SGCD: variants seen among roughly 807,000 people sequenced by gnomAD.
SGCD encodes the protein sarcoglycan delta, also known as delta-sarcoglycan.
In SGCD, 18 loss-of-function variants were observed where a neutral mutation model predicts 36.6. That is an observed-to-expected ratio of 0.49 (90% CI 0.34 to 0.73). SGCD has a LOEUF of 0.73. SGCD is among the 30% of genes least tolerant of loss of function. The pLI, the probability that SGCD is intolerant of heterozygous loss-of-function variation, is 0.01. For missense variants in SGCD, 387 were observed against 346.7 expected, an observed-to-expected ratio of 1.12 and a Z score of -0.92; for synonymous variants, 133 against 130.6, an observed-to-expected ratio of 1.02 and a Z score of -0.12.
intron 3 of SGCD, among the ~76,000 whole-genome samples, chr5:156,419,020 G>C (rs1580961813): frequency 6.6e-6 from 1 of 152,084 alleles, no homozygotes. Flanking sequence ...CAAGTAAGCT[G>C]TCTTAACCTA....
At chr5:155,963,952 C>A (rs1757846738) in intron 1 of SGCD, among the ~76,000 whole-genome samples, 1 of 152,064 alleles carries the variant, frequency 6.6e-6, no homozygotes, top group Non-Finnish European at 1.5e-5. Flanking sequence ...ATATTTCATA[C>A]CTCAACAACA....
At chr5:156,081,302 C>G (rs754157107) in intron 1 of SGCD, among the ~76,000 whole-genome samples, 1 of 152,144 alleles carries the variant, frequency 6.6e-6, no homozygotes, top group Non-Finnish European at 1.5e-5. Context: ...GGGATCTGCC[C>G]TCATGATGCA....
At chr5:156,556,666 A>G (rs1483997071) in intron 4 of SGCD, among the ~76,000 whole-genome samples, 2 of 152,210 alleles carry the variant, frequency 1.3e-5, no homozygotes, top group Non-Finnish European at 2.9e-5. Flanking sequence ...CCATTTCTGT[A>G]GACTTTTACC....
At chr5:156,361,460 G>A (rs1179447623) in intron 3 of SGCD, among the ~76,000 whole-genome samples, 1 of 152,192 alleles carries the variant, frequency 6.6e-6, no homozygotes, top group Non-Finnish European at 1.5e-5. Flanking sequence ...AGTGAGATTA[G>A]CAATACTTGT....
At chr5:155,804,845 T>C in the SGCD span, among the ~76,000 whole-genome samples, 13 of 152,218 alleles carry the variant, frequency 8.5e-5, no homozygotes, top group Middle Eastern at 3.2e-3. Context: ...TACACAAATA[T>C]TGATAAAACA....
At chr5:155,833,157 G>C in the SGCD span, among the ~76,000 whole-genome samples, 57 of 152,084 alleles carry the variant, frequency 3.7e-4, no homozygotes, top group Non-Finnish European at 7.5e-4. Flanking sequence ...TTGAACCTGG[G>C]AGATGGAGAT....
chr5:155,748,158 T>G, the SGCD span, among the ~76,000 whole-genome samples: 3 of 151,834 alleles, frequency 2.0e-5, no homozygotes, highest in Non-Finnish European at 2.9e-5. Context: ...ACAAAGACCT[T>G]CCCTTGTACT....
chr5:156,163,315 A>G (rs564322375), intron 3 of SGCD, among the ~76,000 whole-genome samples: 1 of 151,668 alleles, frequency 6.6e-6, no homozygotes, highest in Admixed American at 6.5e-5. Flanking sequence ...AGTGAGAGTC[A>G]AGTTTTGAGG....
At chr5:156,349,142 T>TA (rs1769103554) in intron 3 of SGCD, among the ~76,000 whole-genome samples, 1 of 151,968 alleles carries the variant, frequency 6.6e-6, no homozygotes, top group Non-Finnish European at 1.5e-5. Flanking sequence ...TTCTAGAACA[T>TA]AAAAATTCTA....
chr5:155,961,603 C>A (rs1453480940), intron 1 of SGCD, among the ~76,000 whole-genome samples: 1 of 152,080 alleles, frequency 6.6e-6, no homozygotes, highest in Admixed American at 6.6e-5. Context: ...TGTGTGTTGC[C>A]GTCCTACCAT....
Position 156,762,121 on chromosome 5 carries a change from T to TTTACA in SGCD, c.*2735_*2739dup, listed in dbSNP as rs1489258443. The TTTACA allele has an allele frequency of 6.6e-6, 1 of 152,444 alleles. No homozygotes were observed. Among genetic ancestry groups the TTTACA allele is most frequent in the East Asian group, 1.9e-4 (1 of 5,188 alleles). The allele number at this position is 152,444 out of a possible 1,614,324, so 9.4% of individuals were successfully genotyped here. A position where few individuals can be genotyped will look rare whatever the true frequency, so the allele number is the denominator to read the frequency against. On this transcript the variant is annotated 3_prime_UTR_variant, in exon 9 of 9. Transcript: ENST00000337851. The stretch of plus-strand genomic sequence containing the variant: ...AATTCTTGGGGGCCGGCGGGGAGCT[T>TTTACA]TTACATTAAAAATCTACTAACGCCT...
At chr5:155,992,703 C>T (rs1758458039) in intron 1 of SGCD, among the ~76,000 whole-genome samples, 1 of 152,144 alleles carries the variant, frequency 6.6e-6, no homozygotes, top group Admixed American at 6.5e-5. Flanking sequence ...TTACTATGCT[C>T]ATGGTTCCAT....
chr5:156,376,857 G>A (rs933096222), intron 3 of SGCD, among the ~76,000 whole-genome samples: 1 of 152,032 alleles, frequency 6.6e-6, no homozygotes, highest in African/African-American at 2.4e-5. Flanking sequence ...ATTTTTAAAA[G>A]ATATAATTTC....
At chr5:156,466,874 ATTT>A (rs954728337) in intron 3 of SGCD, among the ~76,000 whole-genome samples, 2 of 152,098 alleles carry the variant, frequency 1.3e-5, no homozygotes, top group East Asian at 3.9e-4. Context: ...GCAATTTTTT[ATTT>A]TTTTTAATGA....
intron 1 of SGCD, among the ~76,000 whole-genome samples, chr5:156,093,983 G>A (rs534108009): frequency 1.3e-5 from 2 of 152,286 alleles, no homozygotes; most frequent in South Asian, 2.1e-4. Flanking sequence ...GCCTAAGTGG[G>A]AATTGCCCTG....
At chr5:155,918,503 C>T (rs946882797) in intron 1 of SGCD, among the ~76,000 whole-genome samples, 18 of 152,174 alleles carry the variant, frequency 1.2e-4, no homozygotes, top group Non-Finnish European at 2.4e-4. Context: ...GCGGAGTTTG[C>T]AGTGAGCTGA....
intron 3 of SGCD, among the ~76,000 whole-genome samples, chr5:156,245,551 T>C (rs1765419612): frequency 6.6e-6 from 1 of 152,136 alleles, no homozygotes; most frequent in Non-Finnish European, 1.5e-5. Flanking sequence ...AATAGAGGCA[T>C]CCAAGTATTA....
At chr5:155,829,117 A>C in the SGCD span, among the ~76,000 whole-genome samples, 2 of 152,256 alleles carry the variant, frequency 1.3e-5, no homozygotes, top group East Asian at 1.9e-4. Context: ...TCTTCTCTCT[A>C]AAAGTAATCA....
intron 3 of SGCD, among the ~76,000 whole-genome samples, chr5:156,420,670 T>C (rs2174417): frequency 3.3e-5 from 5 of 151,998 alleles, no homozygotes; most frequent in African/African-American, 1.2e-4. Context: ...TGAGATAAGA[T>C]ATCAATGAGA....
Sources: allele counts gnomAD v4.1 joint callset (sites outside exome capture counted in the v4.1 genomes callset), GRCh38; gene constraint gnomAD v4.1.1; transcripts MANE v1.5; gene names NCBI Gene and HGNC (gene_info 2026-07-23, HGNC 2026-07-21).